RGS6: variants seen among roughly 807,000 people sequenced by gnomAD.
RGS6 encodes regulator of G-protein signaling 6.
Under a neutral mutation model 78.5 loss-of-function variants are expected in RGS6, and 30 were observed. The ratio of observed to expected loss-of-function variants is 0.38; its 90% CI spans 0.29 to 0.52. The LOEUF is 0.52. Ranked by LOEUF, RGS6 falls within the 20% of genes least tolerant of loss-of-function variation. RGS6 has a pLI of 0.85. For missense variants in RGS6, 495 were observed against 609.7 expected, an observed-to-expected ratio of 0.81 and a Z score of 1.98; for synonymous variants, 206 against 206.0, an observed-to-expected ratio of 1.00 and a Z score of 0.00.
At chr14:72,291,629 CT>C (rs1340890535) in intron 2 of RGS6, among the ~76,000 whole-genome samples, 1 of 152,172 alleles carries the variant, frequency 6.6e-6, no homozygotes, top group African/African-American at 2.4e-5. Flanking sequence ...GCAAGCCAGA[CT>C]TTCTGATGGG....
chr14:72,408,651 T>G (rs1473668449), intron 3 of RGS6, among the ~76,000 whole-genome samples: 1 of 152,148 alleles, frequency 6.6e-6, no homozygotes, highest in Non-Finnish European at 1.5e-5. Flanking sequence ...TTTCTTAGAG[T>G]ATATATTGAA....
At chr14:71,969,261 A>G (rs1432488664) in intron 2 of RGS6, among the ~76,000 whole-genome samples, 1 of 152,194 alleles carries the variant, frequency 6.6e-6, no homozygotes, top group Non-Finnish European at 1.5e-5. Flanking sequence ...CTAAAGTTTC[A>G]TTCTACTCAT....
intron 2 of RGS6, among the ~76,000 whole-genome samples, chr14:72,275,987 G>A (rs6574062): frequency 0.15 from 23,263 of 152,106 alleles, 1,820 homozygotes; most frequent in East Asian, 0.2. Flanking sequence ...TGGGGACTGG[G>A]ACTGGGTAGC....
At chr14:72,259,440 AG>A (rs1170705924) in intron 2 of RGS6, among the ~76,000 whole-genome samples, 2 of 152,116 alleles carry the variant, frequency 1.3e-5, no homozygotes, top group African/African-American at 2.4e-5. Context: ...CCTATTCTAC[AG>A]CATCCTTGTA....
intron 10 of RGS6, among the ~76,000 whole-genome samples, 156 bp downstream of exon 10, chr14:72,474,855 C>T (rs2096192899): frequency 6.6e-6 from 1 of 152,234 alleles, no homozygotes; most frequent in Non-Finnish European, 1.5e-5. Context: ...CTGATGCATG[C>T]TTGGCGCTGT....
chr14:72,051,900 C>T (rs1354411542), intron 2 of RGS6, among the ~76,000 whole-genome samples: 1 of 152,106 alleles, frequency 6.6e-6, no homozygotes. Flanking sequence ...TATTCTCCTT[C>T]CTGCAACCCT....
At chr14:72,206,110 A>G (rs1050802006) in intron 2 of RGS6, among the ~76,000 whole-genome samples, 3 of 152,262 alleles carry the variant, frequency 2.0e-5, no homozygotes, top group East Asian at 1.9e-4. Context: ...ATGTATGTCT[A>G]TAATAGACCA....
chr14:72,263,367 G>C (rs954932914), intron 2 of RGS6, among the ~76,000 whole-genome samples: 10 of 152,050 alleles, frequency 6.6e-5, no homozygotes, highest in African/African-American at 2.2e-4. Context: ...CTCTCCGGAC[G>C]ACCCAGCCTT....
chr14:72,607,986 G>T, the RGS6 span, among the ~76,000 whole-genome samples: 2 of 152,226 alleles, frequency 1.3e-5, no homozygotes, highest in African/African-American at 2.4e-5. Context: ...GGAATAAAAA[G>T]TGACATGGTG....
chr14:72,060,523 T>A (rs1483457754), intron 2 of RGS6, among the ~76,000 whole-genome samples: 1 of 152,196 alleles, frequency 6.6e-6, no homozygotes, highest in Admixed American at 6.5e-5. Context: ...GTTACCAATG[T>A]CTTTTTAGCT....
chr14:72,402,790 GTTTTTTT>G (rs1167831473), intron 3 of RGS6, among the ~76,000 whole-genome samples: 10 of 75,802 alleles, frequency 1.3e-4, no homozygotes, highest in East Asian at 4.5e-4. Context: ...TGTTTTTTTG[GTTTTTTT>G]TTTTTTTTTT....
chr14:72,136,385 A>G (rs562104731), intron 2 of RGS6, among the ~76,000 whole-genome samples: 1 of 152,298 alleles, frequency 6.6e-6, no homozygotes, highest in East Asian at 1.9e-4. Flanking sequence ...ATGCTGCTGA[A>G]TAAAGACATA....
intron 2 of RGS6, among the ~76,000 whole-genome samples, chr14:72,217,900 C>T (rs772433230): frequency 3.3e-5 from 5 of 152,154 alleles, no homozygotes; most frequent in African/African-American, 7.2e-5. Flanking sequence ...TATTCACACA[C>T]ATTTACACAT....
At chr14:71,875,326 G>A in the RGS6 span, among the ~76,000 whole-genome samples, 1 of 152,154 alleles carries the variant, frequency 6.6e-6, no homozygotes, top group Non-Finnish European at 1.5e-5. Flanking sequence ...TTCAGATCCT[G>A]TTATTGTTCT....
At chr14:72,324,699 G>A (rs1319295375) in intron 2 of RGS6, among the ~76,000 whole-genome samples, 2 of 151,940 alleles carry the variant, frequency 1.3e-5, no homozygotes, top group Non-Finnish European at 2.9e-5. Context: ...CCTTTTTTAT[G>A]GCTGCATAGT....
intron 3 of RGS6, among the ~76,000 whole-genome samples, chr14:72,392,256 TGTGAGG>T (rs1416452397): frequency 6.6e-6 from 1 of 152,142 alleles, no homozygotes; most frequent in Non-Finnish European, 1.5e-5. Flanking sequence ...AAGCAGCCTC[TGTGAGG>T]CTGTTGTCTT....
intron 2 of RGS6, among the ~76,000 whole-genome samples, chr14:72,314,529 C>T (rs151148996): frequency 4.0e-5 from 6 of 151,294 alleles, no homozygotes; most frequent in African/African-American, 9.8e-5. Context: ...TAGCTTTTCC[C>T]GCCTTTTTCC....
chr14:72,617,071 T>C, the RGS6 span, among the ~76,000 whole-genome samples: 3 of 152,162 alleles, frequency 2.0e-5, no homozygotes, highest in Non-Finnish European at 4.4e-5. Flanking sequence ...TGCCCTGCCT[T>C]GGCCTGGGAG....
Position 72,472,817 on chromosome 14 carries a change from G to A in RGS6, c.537-55G>A, listed in dbSNP as rs979772039. On this transcript the variant is annotated intron_variant, in intron 8 of 17. Transcript: ENST00000553525. ...GGAGCAAACGCTGGAGCAAGTGTCA[G>A]AAGGGAAAACAGAATACAGAGCTTC... 23 of 1,346,362 alleles carry A rather than the reference G, an allele frequency of 1.7e-5. No individual in the cohort carries two copies. In the African/African-American group the frequency reaches 3.1e-4, roughly 18 times the overall value. The allele number at this position is 1,346,362 out of a possible 1,614,324, so 83.4% of individuals were successfully genotyped here.
Sources: gnomAD v4.1 joint callset for allele counts (sites outside exome capture counted in the v4.1 genomes callset) on GRCh38, gnomAD v4.1.1 for gene constraint, MANE v1.5 for transcripts, NCBI Gene and HGNC (gene_info 2026-07-23, HGNC 2026-07-21) for gene names.